The following FRAS1 variants were observed in gnomAD, a reference collection of about 807,000 sequenced individuals.
FRAS1 encodes the protein Fraser extracellular matrix complex subunit 1.
FRAS1 carries 290 observed loss-of-function variants against 435.2 expected under a neutral mutation model. The observed-to-expected ratio is 0.67, with a 90% confidence interval of 0.61 to 0.73. The LOEUF (loss-of-function observed/expected upper bound fraction) is 0.73, where lower values mean the gene tolerates loss of function less well. Ranked by LOEUF, FRAS1 falls within the 30% of genes least tolerant of loss-of-function variation. The pLI is 0.00. For synonymous variants in FRAS1, 1,800 were observed against 1,851.0 expected, an observed-to-expected ratio of 0.97 and a Z score of 0.71; for missense variants, 4,860 against 5,001.5, an observed-to-expected ratio of 0.97 and a Z score of 0.85.
intron 2 of FRAS1, among the ~76,000 whole-genome samples, chr4:78,156,229 G>A (rs897773683): frequency 6.6e-6 from 1 of 152,118 alleles, no homozygotes; most frequent in African/African-American, 2.4e-5. Context: ...AGATTTCTCA[G>A]GTTTACTTTT....
chr4:78,360,385 G>A (rs1361438225), intron 20 of FRAS1, among the ~76,000 whole-genome samples: 3 of 152,192 alleles, frequency 2.0e-5, no homozygotes, highest in Non-Finnish European at 4.4e-5. Flanking sequence ...GTTAAGGGAA[G>A]GCAAGAGATG....
At chr4:78,512,214 C>A (rs1195379223) in intron 64 of FRAS1, among the ~76,000 whole-genome samples, 2 of 152,090 alleles carry the variant, frequency 1.3e-5, no homozygotes, top group Non-Finnish European at 2.9e-5. Context: ...GTATGTTATG[C>A]GTATTTATTA....
chr4:78,309,830 A>T (rs1401110452), intron 15 of FRAS1, among the ~76,000 whole-genome samples: 2 of 152,174 alleles, frequency 1.3e-5, no homozygotes. Flanking sequence ...TTTGATGGTC[A>T]TACCTATAGA....
chr4:78,525,706 A>G (rs532501746), intron 69 of FRAS1, among the ~76,000 whole-genome samples: 39 of 152,288 alleles, frequency 2.6e-4, no homozygotes, highest in Admixed American at 1.1e-3. Context: ...ACAGACTCCC[A>G]AGGCCCTTGA....
intron 2 of FRAS1, among the ~76,000 whole-genome samples, chr4:78,148,684 T>A (rs1720514718): frequency 6.6e-6 from 1 of 152,230 alleles, no homozygotes; most frequent in South Asian, 2.1e-4. Flanking sequence ...ATTTGGGTGA[T>A]CATTGCTTCT....
intron 14 of FRAS1, among the ~76,000 whole-genome samples, chr4:78,302,897 A>T (rs1161034797): frequency 2.0e-5 from 3 of 152,122 alleles, no homozygotes; most frequent in Non-Finnish European, 4.4e-5. Context: ...TTTTGTTGCC[A>T]TTGCTTTTGG....
chr4:78,431,287 G>C (rs1734209482), intron 37 of FRAS1, among the ~76,000 whole-genome samples: 3 of 152,148 alleles, frequency 2.0e-5, no homozygotes, highest in Non-Finnish European at 4.4e-5. Context: ...CATTAGAATA[G>C]ATTTGAAACA....
intron 53 of FRAS1, among the ~76,000 whole-genome samples, chr4:78,474,606 T>G (rs1179488370): frequency 6.6e-6 from 1 of 152,198 alleles, no homozygotes; most frequent in Non-Finnish European, 1.5e-5. Flanking sequence ...AATTCATCCC[T>G]TTTTCTGGAC....
At chr4:78,463,343 C>A (rs1474025500) in intron 47 of FRAS1, among the ~76,000 whole-genome samples, 1 of 151,836 alleles carries the variant, frequency 6.6e-6, no homozygotes, top group Non-Finnish European at 1.5e-5. Context: ...ATGATTTTTT[C>A]TCTATTATGT....
chr4:78,065,083 T>TATATATATATATATATACACACACACAC (rs1383890164), intron 1 of FRAS1, among the ~76,000 whole-genome samples: 1 of 140,596 alleles, frequency 7.1e-6, no homozygotes, highest in Non-Finnish European at 1.5e-5. Context: ...TATATATATA[T>TATATATATATATATATACACACACACAC]ACATACACAC....
At chr4:78,397,822 C>T (rs1732732517) in intron 29 of FRAS1, among the ~76,000 whole-genome samples, 1 of 152,168 alleles carries the variant, frequency 6.6e-6, no homozygotes, top group Non-Finnish European at 1.5e-5. Flanking sequence ...GCTGGGCACT[C>T]ACTTCAATCT....
intron 47 of FRAS1, among the ~76,000 whole-genome samples, chr4:78,455,987 GCTCAGTGATC>G (rs1719181451): frequency 6.6e-6 from 1 of 152,070 alleles, no homozygotes; most frequent in Admixed American, 6.6e-5. Context: ...GTGTGAGGTG[GCTCAGTGATC>G]CTCAGTGTGA....
At chr4:78,438,836 G>T in intron 39 of FRAS1, 66 bp from the exon 40 acceptor site, 2 of 1,518,492 alleles carry the variant, frequency 1.3e-6, no homozygotes, top group Non-Finnish European at 1.8e-6. Flanking sequence ...TTTAAACAAA[G>T]ATGCTGCTGT....
chr4:78,452,667 A>C (rs576693721), intron 47 of FRAS1, among the ~76,000 whole-genome samples: 14 of 152,360 alleles, frequency 9.2e-5, no homozygotes, highest in Middle Eastern at 3.4e-3. Context: ...TCCCTTGAGC[A>C]CATGGCACTG....
intron 2 of FRAS1, among the ~76,000 whole-genome samples, chr4:78,235,176 G>A (rs553537512): frequency 6.6e-6 from 1 of 152,226 alleles, no homozygotes; most frequent in African/African-American, 2.4e-5. Context: ...CATCTCCTTT[G>A]CTTAAAAGTC....
intron 2 of FRAS1, among the ~76,000 whole-genome samples, chr4:78,231,677 T>TC (rs1302749160): frequency 2.0e-5 from 3 of 151,972 alleles, no homozygotes; most frequent in South Asian, 4.2e-4. Context: ...CTATAAATAA[T>TC]CCCCCCCAGA....
chr4:78,143,903 CAAAAA>C (rs60130624), intron 2 of FRAS1, among the ~76,000 whole-genome samples: 1 of 78,114 alleles, frequency 1.3e-5, no homozygotes, highest in Non-Finnish European at 2.6e-5. Flanking sequence ...GACCCTGTCT[CAAAAA>C]AAAAAAAAAA....
chr4:78,473,415 A>T (rs992030366), intron 52 of FRAS1, 23 bp from the exon 53 acceptor site: 3 of 1,603,662 alleles, frequency 1.9e-6, no homozygotes, highest in Admixed American at 1.7e-5. Flanking sequence ...GGGTTAATTC[A>T]CAGTGAGTCT....
rs1394411524 is a variant in FRAS1 at position 78,508,990 on chromosome 4, CCA to C, written c.9765_9766del (p.Ser3256CysfsTer77). On this transcript the variant is annotated frameshift_variant, in exon 63 of 74. Transcript: ENST00000512123. LOFTEE classifies it high-confidence loss of function. ...ACCATCACTGACAACACACCATTCA[CCA>C]GTGTCAACCACATGGTAGGTCTGGG... 1 of 1,613,872 alleles carries C rather than the reference CCA, an allele frequency of 6.2e-7. No homozygotes were observed. The highest frequency in any genetic ancestry group is 2.2e-5 in the East Asian group (1 of 44,890).
Sources: allele counts gnomAD v4.1 joint callset (sites outside exome capture counted in the v4.1 genomes callset), GRCh38; gene constraint gnomAD v4.1.1; transcripts MANE v1.5; gene names NCBI Gene and HGNC (gene_info 2026-07-23, HGNC 2026-07-21).